Variants in GABRA4 observed in about 807,000 individuals in gnomAD.
The protein encoded by GABRA4 is gamma-aminobutyric acid type A receptor subunit alpha4.
A neutral mutation model predicts 49.7 loss-of-function variants in GABRA4; 12 were observed. The ratio of observed to expected loss-of-function variants is 0.24; its 90% confidence interval spans 0.15 to 0.39. The LOEUF is 0.39. Among genes scored for constraint, GABRA4 ranks in the 10% least tolerant of loss-of-function variants. The probability of loss-of-function intolerance (pLI) is 1.00; values close to 1 mark genes in which losing one functional copy is unlikely to be tolerated. For missense variants in GABRA4, 506 were observed against 686.0 expected, an observed-to-expected ratio of 0.74 and a Z score of 2.93; for synonymous variants, 288 against 240.2, an observed-to-expected ratio of 1.20 and a Z score of -1.84.
intron 8 of GABRA4, among the ~76,000 whole-genome samples, chr4:46,963,100 C>G (rs1000649704): frequency 6.6e-6 from 1 of 151,758 alleles, no homozygotes; most frequent in African/African-American, 2.4e-5. Flanking sequence ...CAGAAGGGAT[C>G]ACATCAAGTT....
rs181300626 is a variant in GABRA4 at position 46,992,661 on chromosome 4, G to C, written c.205+167C>G. 6 of 621,082 alleles carry C rather than the reference G, an allele frequency of 9.7e-6. No homozygotes were observed. The Admixed American group carries it at 1.6e-4, about 16-fold the overall frequency. 38.5% of individuals were successfully genotyped at this position (621,082 alleles called of 1,614,324 possible). On this transcript the variant is annotated intron_variant, in intron 2 of 8. Coordinates refer to ENST00000264318, the MANE Select transcript of GABRA4 (RefSeq NM_000809.4). ...GCAGGGAGATGGGAAAGTACGGGTG[G>C]AGGCGGTCTTCTTGTCATAGGTCTC...
chr4:46,953,103 A>C (rs1229921806), intron 8 of GABRA4, among the ~76,000 whole-genome samples: 2 of 152,144 alleles, frequency 1.3e-5, no homozygotes, highest in Non-Finnish European at 2.9e-5. Flanking sequence ...ATTGTTTATA[A>C]ATTAGATAGC....
intron 8 of GABRA4, among the ~76,000 whole-genome samples, chr4:46,941,235 A>G (rs1353555360): frequency 6.6e-6 from 1 of 151,972 alleles, no homozygotes; most frequent in Non-Finnish European, 1.5e-5. Context: ...AAAACTATGA[A>G]CTATCATTAT....
intron 8 of GABRA4, among the ~76,000 whole-genome samples, chr4:46,948,866 C>T (rs895134335): frequency 5.3e-5 from 8 of 152,062 alleles, no homozygotes; most frequent in Non-Finnish European, 7.4e-5. Flanking sequence ...GATTTCACCT[C>T]TCACCTTCAT....
intron 7 of GABRA4, among the ~76,000 whole-genome samples, chr4:46,967,905 A>C (rs1368336268): frequency 6.6e-6 from 1 of 151,688 alleles, no homozygotes; most frequent in African/African-American, 2.4e-5. Flanking sequence ...AAGATATGCC[A>C]GCTGGCATTT....
In GABRA4 at chr4:46,920,326, A is replaced by G. The variant is rs912908067; in HGVS notation, c.*7899T>C. The G allele has an allele frequency of 6.6e-6, 1 of 151,730 alleles. No individual in the cohort carries two copies. The highest frequency in any genetic ancestry group is 2.4e-5 in the African/African-American group (1 of 41,416). 9.4% of individuals were successfully genotyped at this position (151,730 alleles called of 1,614,324 possible). On this transcript the variant is annotated 3_prime_UTR_variant, in exon 9 of 9. Transcript: ENST00000264318. ...GGTAATATCTTATATTGCCAACAAC[A>G]TAACTTTGTTCAGGTATTTGCCAGT...
intron 5 of GABRA4, among the ~76,000 whole-genome samples, chr4:46,976,354 CAA>C (rs71193888): frequency 0.015 from 799 of 51,696 alleles, 3 homozygotes; most frequent in Middle Eastern, 0.044. Context: ...CACCCATTCT[CAA>C]AAAAAAAAAA....
At chr4:46,938,323 T>C (rs1721669194) in intron 8 of GABRA4, among the ~76,000 whole-genome samples, 1 of 152,130 alleles carries the variant, frequency 6.6e-6, no homozygotes, top group Non-Finnish European at 1.5e-5. Flanking sequence ...TGTGCTATGA[T>C]GAATAGCCAT....
At chr4:46,975,711 G>T (rs553524478) in intron 5 of GABRA4, among the ~76,000 whole-genome samples, 1 of 151,868 alleles carries the variant, frequency 6.6e-6, no homozygotes, top group African/African-American at 2.4e-5. Context: ...CTTTTTCTGA[G>T]AACTAGAGGT....
intron 8 of GABRA4, among the ~76,000 whole-genome samples, chr4:46,931,787 A>C (rs1342623149): frequency 6.6e-6 from 1 of 152,158 alleles, no homozygotes; most frequent in Non-Finnish European, 1.5e-5. Context: ...AGCCTGCTAG[A>C]GATTGAGAGC....
chr4:46,993,386 G>A lies in GABRA4; in HGVS notation c.39C>T (p.Ser13=). ...SAKKVPAIAL[S]AGVSFALLRF... Reference sequence around the variant, plus strand: ...GCAGGAGGGCGAAACTGACCCCGGCGGACAGAGCGATCGCGGGTACCTTCT... The same window carrying A: ...GCAGGAGGGCGAAACTGACCCCGGCAGACAGAGCGATCGCGGGTACCTTCT... The change falls in exon 1 of 9, where the codon TCC becomes TCT. Residue 13 remains serine, a synonymous_variant. Coordinates refer to ENST00000264318, the MANE Select transcript of GABRA4 (RefSeq NM_000809.4). 6.2e-7 allele frequency: 1 copy of A among 1,614,200 alleles called. No individual in the cohort carries two copies. Among genetic ancestry groups the A allele is most frequent in the Non-Finnish European group, 8.5e-7 (1 of 1,180,028 alleles).
At chr4:46,993,097 A>C (rs1723830206) in intron 1 of GABRA4, 151 bp from the exon 2 acceptor site, 1 of 713,134 alleles carries the variant, frequency 1.4e-6, no homozygotes, top group Non-Finnish European at 2.3e-6. Flanking sequence ...AGAAGACAGA[A>C]ATGGTCAGGA....
At chr4:46,954,054 T>C (rs1479016121) in intron 8 of GABRA4, among the ~76,000 whole-genome samples, 1 of 152,140 alleles carries the variant, frequency 6.6e-6, no homozygotes, top group Non-Finnish European at 1.5e-5. Context: ...GAAGGCTATA[T>C]GAATATACAT....
At chr4:46,948,210 G>A (rs1722048271) in intron 8 of GABRA4, among the ~76,000 whole-genome samples, 1 of 151,994 alleles carries the variant, frequency 6.6e-6, no homozygotes, top group South Asian at 2.1e-4. Context: ...CCCCATCCAG[G>A]TGATCTGAAA....
intron 8 of GABRA4, among the ~76,000 whole-genome samples, chr4:46,961,951 A>G (rs1722591163): frequency 6.6e-6 from 1 of 151,940 alleles, no homozygotes; most frequent in African/African-American, 2.4e-5. Flanking sequence ...AGAAAAAGAT[A>G]CTTTTTAATT....
chr4:46,962,781 T>C (rs1722622464), intron 8 of GABRA4, among the ~76,000 whole-genome samples: 2 of 151,868 alleles, frequency 1.3e-5, no homozygotes, highest in African/African-American at 2.4e-5. Context: ...TGAAACAGAA[T>C]AGAGAACCCA....
At chr4:46,971,448 A>G (rs1472413605) in intron 6 of GABRA4, among the ~76,000 whole-genome samples, 1 of 151,584 alleles carries the variant, frequency 6.6e-6, no homozygotes, top group East Asian at 1.9e-4. Context: ...GTTCCGTGTA[A>G]TGATTAAGCA....
intron 2 of GABRA4, among the ~76,000 whole-genome samples, chr4:46,988,123 A>C (rs564636833): frequency 6.6e-6 from 1 of 152,098 alleles, no homozygotes; most frequent in East Asian, 1.9e-4. Context: ...TACTCTTTTC[A>C]TGTCTGACAC....
rs1399243807 is a variant in GABRA4 at position 46,977,472 on chromosome 4, A to G, written c.432T>C (p.Asn144=). The G allele has an allele frequency of 4.3e-6, 7 of 1,610,822 alleles. No homozygotes were observed. Among genetic ancestry groups the G allele is most frequent in the African/African-American group, 1.3e-5 (1 of 74,810 alleles). Reference sequence around the variant, plus strand: ...TAAAAAGCTTATTTGGAGCTGTCATATTATGTGAGACAGATTTCTTTCCAT... The same window carrying G: ...TAAAAAGCTTATTTGGAGCTGTCATGTTATGTGAGACAGATTTCTTTCCAT... The part of the protein sequence containing the change: ...FRNGKKSVSH[N]MTAPNKLFRI... The change falls in exon 4 of 9, where the codon AAT becomes AAC. Residue 144 remains asparagine, a synonymous_variant. Transcript: ENST00000264318.
Sources: allele counts gnomAD v4.1 joint callset (sites outside exome capture counted in the v4.1 genomes callset), GRCh38; gene constraint gnomAD v4.1.1; transcripts MANE v1.5; gene names NCBI Gene and HGNC (gene_info 2026-07-23, HGNC 2026-07-21).